The following CD83 variants were observed in gnomAD, a reference collection of about 807,000 sequenced individuals.
CD83 encodes the protein CD83 antigen.
CD83 carries 22 observed loss-of-function variants against 24.6 expected under a neutral mutation model. The ratio of observed to expected loss-of-function variants is 0.90; its 90% CI spans 0.64 to 1.28. CD83 has a LOEUF of 1.28. Ranked by LOEUF, CD83 falls within the 50% of genes most tolerant of loss-of-function variation. CD83 has a pLI of 0.00. For synonymous variants in CD83, 101 were observed against 103.5 expected, an observed-to-expected ratio of 0.98 and a Z score of 0.14; for missense variants, 253 against 252.8, an observed-to-expected ratio of 1.00 and a Z score of -0.01.
intron 3 of CD83, among the ~76,000 whole-genome samples, chr6:14,132,347 C>T (rs1484534782): frequency 1.3e-5 from 2 of 152,208 alleles, no homozygotes; most frequent in African/African-American, 2.4e-5. Context: ...AGGAACCTTG[C>T]AGAGGAGAGT....
intron 4 of CD83, among the ~76,000 whole-genome samples, chr6:14,134,667 A>C (rs896020347): frequency 1.3e-5 from 2 of 152,146 alleles, no homozygotes; most frequent in African/African-American, 2.4e-5. Flanking sequence ...AGCACCTACT[A>C]TGTTCAAGGC....
intron 2 of CD83, among the ~76,000 whole-genome samples, chr6:14,121,317 G>A (rs144198670): frequency 1.3e-5 from 2 of 151,746 alleles, no homozygotes; most frequent in South Asian, 2.1e-4. Flanking sequence ...CTACAAGGGC[G>A]TACCACCACA....
chr6:14,126,407 C>G (rs972419678), intron 2 of CD83, among the ~76,000 whole-genome samples: 1 of 152,158 alleles, frequency 6.6e-6, no homozygotes, highest in Non-Finnish European at 1.5e-5. Flanking sequence ...TGATCACCCC[C>G]AGATTCCAGT....
chr6:14,132,677 A>C (rs1459277938), intron 3 of CD83, among the ~76,000 whole-genome samples: 1 of 151,220 alleles, frequency 6.6e-6, no homozygotes, highest in Non-Finnish European at 1.5e-5. Flanking sequence ...TGACCAATAC[A>C]TATTAGGGAC....
chr6:14,131,483 C>T, intron 2 of CD83, 37 bp from the exon 3 acceptor site: 4 of 1,460,272 alleles, frequency 2.7e-6, no homozygotes, highest in Non-Finnish European at 3.8e-6. Context: ...GGAGTGCTTG[C>T]AGTGGACCGT....
intron 2 of CD83, among the ~76,000 whole-genome samples, chr6:14,127,577 G>C (rs938245447): frequency 6.8e-6 from 1 of 146,840 alleles, no homozygotes; most frequent in Non-Finnish European, 1.5e-5. Flanking sequence ...CTCCATTCAC[G>C]TGCCCATACA....
At chr6:14,119,462 T>C (rs1419512520) in intron 2 of CD83, among the ~76,000 whole-genome samples, 3 of 152,214 alleles carry the variant, frequency 2.0e-5, no homozygotes, top group Non-Finnish European at 2.9e-5. Flanking sequence ...CATTATCCAT[T>C]TCCATCCATC....
intron 3 of CD83, among the ~76,000 whole-genome samples, chr6:14,132,651 C>T (rs1051817715): frequency 6.6e-6 from 1 of 152,152 alleles, no homozygotes; most frequent in Non-Finnish European, 1.5e-5. Context: ...GAGTGTAGTG[C>T]CCGGGATAGA....
chr6:14,125,196 C>T (rs1171205532), intron 2 of CD83, among the ~76,000 whole-genome samples: 1 of 152,204 alleles, frequency 6.6e-6, no homozygotes, highest in Admixed American at 6.5e-5. Context: ...TTGTTTCAGC[C>T]ACCCAGTTTG....
chr6:14,132,380 A>G (rs9476511), intron 3 of CD83, among the ~76,000 whole-genome samples: 67,871 of 152,134 alleles, frequency 0.45, 15,570 homozygotes, highest in Non-Finnish European at 0.52. Context: ...CATGTCCTGC[A>G]GGGAGTGGAG....
At chr6:14,122,199 A>G (rs1295264222) in intron 2 of CD83, among the ~76,000 whole-genome samples, 1 of 152,234 alleles carries the variant, frequency 6.6e-6, no homozygotes, top group East Asian at 1.9e-4. Flanking sequence ...GGGGCAGATC[A>G]TGGGCCATCC....
rs766653554 is a variant in CD83, at chr6:14,118,056, C to T, written c.144C>T (p.Ser48=). 1 of 1,606,890 alleles carries T rather than the reference C, an allele frequency of 6.2e-7. No homozygotes were observed. The highest frequency in any genetic ancestry group is 8.5e-7 in the Non-Finnish European group (1 of 1,177,472). ...PWDPQVPYTV[S]WVKLLEGGEE... ...ATCCGCAGGTTCCCTACACGGTCTC[C>T]TGGGTCAAGGTAGGTGCTGCGATAC... Residue 48 remains serine (S), a synonymous_variant, in exon 2 of 5, where the codon TCC becomes TCT. Coordinates refer to ENST00000379153, the MANE Select transcript of CD83 (RefSeq NM_004233.4).
chr6:14,128,172 TACTC>T (rs1759864716), intron 2 of CD83, among the ~76,000 whole-genome samples: 1 of 152,240 alleles, frequency 6.6e-6, no homozygotes. Flanking sequence ...CATTTGCTGT[TACTC>T]CGTTTTCCTC....
At chr6:14,133,967 T>C (rs1188749786) in intron 4 of CD83, among the ~76,000 whole-genome samples, 2 of 151,842 alleles carry the variant, frequency 1.3e-5, no homozygotes, top group African/African-American at 4.8e-5. Flanking sequence ...GTTTAGAGCA[T>C]TGTGGAAAAA....
At chr6:14,118,169 G>A (rs1328220533) in intron 2 of CD83, 104 bp downstream of exon 2, 3 of 740,548 alleles carry the variant, frequency 4.1e-6, no homozygotes, top group Admixed American at 3.1e-5. Flanking sequence ...CCAGGTGGGG[G>A]CGAGGGGCGT....
In CD83 at chr6:14,135,125, G is replaced by A. The variant is rs921784350; in HGVS notation, c.507G>A (p.Gln169=). ...IIFTCKFARL[Q]SIFPDFSKAG... ...CTTTTTAGAAGTTTGCACGGCTACA[G>A]AGTATCTTCCCAGATTTTTCTAAAG... The change falls in exon 5 of 5, where the codon CAG becomes CAA. Residue 169 remains glutamine (Q), a synonymous_variant. Transcript: ENST00000379153. The A allele has an allele frequency of 2.5e-6, 4 of 1,614,016 alleles. No individual in the cohort carries two copies. The African/African-American group carries it at 5.3e-5, about 22-fold the overall frequency.
At chr6:14,124,334 C>T (rs978482110) in intron 2 of CD83, among the ~76,000 whole-genome samples, 4 of 152,174 alleles carry the variant, frequency 2.6e-5, no homozygotes, top group Non-Finnish European at 5.9e-5. Flanking sequence ...CGATTAGAAT[C>T]GGTATTACCG....
intron 2 of CD83, among the ~76,000 whole-genome samples, chr6:14,131,260 C>T (rs891983228): frequency 6.6e-6 from 1 of 152,168 alleles, no homozygotes; most frequent in Non-Finnish European, 1.5e-5. Context: ...TCAACAGTGA[C>T]TCTCTCTCCC....
chr6:14,131,401 C>A, intron 2 of CD83, 119 bp from the exon 3 acceptor site: 1 of 708,286 alleles, frequency 1.4e-6, no homozygotes. Flanking sequence ...ACAAAAGCAT[C>A]ACGTCTTGTT....
Sources: gnomAD v4.1 joint callset for allele counts (sites outside exome capture counted in the v4.1 genomes callset) on GRCh38, gnomAD v4.1.1 for gene constraint, MANE v1.5 for transcripts, NCBI Gene and HGNC (gene_info 2026-07-23, HGNC 2026-07-21) for gene names.